WDPCP: variants seen among roughly 807,000 people sequenced by gnomAD.
WDPCP encodes WD repeat containing planar cell polarity effector, also known as WD repeat-containing and planar cell polarity effector protein fritz homolog.
A neutral mutation model predicts 93.1 loss-of-function variants in WDPCP; 71 were observed. The ratio of observed to expected loss-of-function variants is 0.76; its 90% CI spans 0.63 to 0.93. The LOEUF (loss-of-function observed/expected upper bound fraction) is 0.93. Among genes scored for constraint, WDPCP ranks in the 40% least tolerant of loss-of-function variants. The pLI is 0.00. For synonymous variants in WDPCP, 315 were observed against 315.0 expected (o/e 1.00, Z 0.00); for missense variants, 844 against 887.4 (o/e 0.95, Z 0.62).
chr2:63,681,074 C>T (rs1465261370), intron 2 of WDPCP, among the ~76,000 whole-genome samples: 4 of 152,070 alleles, frequency 2.6e-5, no homozygotes, highest in African/African-American at 4.8e-5. Flanking sequence ...TGGGTGAGAC[C>T]GAGATGTACC....
intron 17 of WDPCP, among the ~76,000 whole-genome samples, chr2:63,133,962 ATAAAGT>A (rs986483711): frequency 1.3e-5 from 2 of 152,192 alleles, no homozygotes; most frequent in East Asian, 1.9e-4. Context: ...CAGAGTTCCT[ATAAAGT>A]TATTTAGTCA....
intron 2 of WDPCP, among the ~76,000 whole-genome samples, chr2:63,676,536 C>A (rs1710405159): frequency 6.6e-6 from 1 of 151,998 alleles, no homozygotes; most frequent in Non-Finnish European, 1.5e-5. Context: ...TTCAAAAAAT[C>A]TCTACAAAAT....
chr2:63,350,785 C>T (rs759912617), intron 12 of WDPCP, among the ~76,000 whole-genome samples: 24 of 152,044 alleles, frequency 1.6e-4, no homozygotes, highest in South Asian at 4.2e-4. Flanking sequence ...TTCTGTGGCA[C>T]GGCAAGGCAA....
Position 63,624,982 on chromosome 2 carries a change from T to C in WDPCP, n.488+25677A>G, listed in dbSNP as rs188173456. Among the ~76,000 whole-genome samples, 235 of 152,278 alleles carry C rather than the reference T, an allele frequency of 1.5e-3. 1 individual carries two copies. Among genetic ancestry groups the C allele is most frequent in the African/African-American group, 5.0e-3 (207 of 41,562 alleles). On this transcript the variant is annotated intron_variant and non_coding_transcript_variant, in intron 3 of 4. Coordinates refer to the WDPCP transcript ENST00000467687. ...GCACATCAAAAGGCTGATCCACCAC[T>C]ATCAAGTGAGCTTCATCCCTGGGAC...
chr2:63,277,403 C>CA (rs1328091043), intron 13 of WDPCP, among the ~76,000 whole-genome samples: 1 of 152,166 alleles, frequency 6.6e-6, no homozygotes, highest in African/African-American at 2.4e-5. Context: ...CCTCACATCT[C>CA]AATATTAATG....
chr2:63,181,514 T>A (rs1021644268), intron 14 of WDPCP, among the ~76,000 whole-genome samples: 1 of 152,096 alleles, frequency 6.6e-6, no homozygotes, highest in Non-Finnish European at 1.5e-5. Flanking sequence ...GGTATATGGC[T>A]TTATTTCTGA....
At chr2:63,802,718 G>C (rs1172225179) in intron 2 of WDPCP, among the ~76,000 whole-genome samples, 1 of 151,896 alleles carries the variant, frequency 6.6e-6, no homozygotes, top group African/African-American at 2.4e-5. Context: ...ATTATTGTTA[G>C]TCTATATAGT....
intron 13 of WDPCP, among the ~76,000 whole-genome samples, chr2:63,290,914 G>A (rs143026498): frequency 1.3e-5 from 2 of 152,186 alleles, no homozygotes; most frequent in African/African-American, 4.8e-5. Flanking sequence ...GATATGGTGT[G>A]CCTAGGTATT....
intron 2 of WDPCP, among the ~76,000 whole-genome samples, chr2:63,684,988 G>A (rs901907928): frequency 1.1e-4 from 16 of 152,012 alleles, no homozygotes; most frequent in Admixed American, 8.5e-4. Flanking sequence ...TACTAGCAGG[G>A]AAGTTTATAG....
At chr2:63,479,600 A>T (rs1251766190) in intron 6 of WDPCP, among the ~76,000 whole-genome samples, 1 of 152,178 alleles carries the variant, frequency 6.6e-6, no homozygotes, top group Non-Finnish European at 1.5e-5. Flanking sequence ...GATCATCTCA[A>T]TAGATGCAGA....
At chr2:63,372,910 G>C (rs1260612888) in intron 12 of WDPCP, among the ~76,000 whole-genome samples, 1 of 152,102 alleles carries the variant, frequency 6.6e-6, no homozygotes, top group Non-Finnish European at 1.5e-5. Flanking sequence ...AATCACCTGA[G>C]GTTGGGAGTT....
At chr2:63,650,230 A>G (rs1710093995) in intron 3 of WDPCP, among the ~76,000 whole-genome samples, 1 of 152,214 alleles carries the variant, frequency 6.6e-6, no homozygotes. Context: ...AGGACTTATT[A>G]AAACACAGAT....
Position 63,338,583 on chromosome 2 carries a change from T to A in WDPCP, c.1749-25272A>T, listed in dbSNP as rs1207275349. 4.6e-4 allele frequency among the ~76,000 whole-genome samples: 12 copies of A among 25,940 alleles called. 1 individual carries two copies. Among genetic ancestry groups the A allele is most frequent in the African/African-American group, 3.3e-3 (5 of 1,500 alleles). 17.0% of individuals were successfully genotyped at this position (25,940 alleles called of 152,430 possible). A position where few individuals can be genotyped will look rare whatever the true frequency, so the allele number is the denominator to read the frequency against. On this transcript the variant is annotated intron_variant, in intron 12 of 17. Coordinates refer to ENST00000272321, the MANE Select transcript of WDPCP (RefSeq NM_015910.7). Reference sequence around the variant, plus strand: ...AAAAAAAAAAAAATATATATATATATATATATATATATATATATATATATA... The same window carrying A: ...AAAAAAAAAAAAATATATATATATAAATATATATATATATATATATATATA...
intron 14 of WDPCP, among the ~76,000 whole-genome samples, chr2:63,236,356 T>A (rs150945033): frequency 6.6e-6 from 1 of 152,176 alleles, no homozygotes; most frequent in African/African-American, 2.4e-5. Flanking sequence ...AAAACTTCCA[T>A]GTGCATGGAT....
intron 3 of WDPCP, among the ~76,000 whole-genome samples, chr2:63,623,309 A>T (rs2106634013): frequency 6.6e-6 from 1 of 152,360 alleles, no homozygotes; most frequent in South Asian, 2.1e-4. Flanking sequence ...CATCATAATG[A>T]CAGGATCAAA....
intron 2 of WDPCP, among the ~76,000 whole-genome samples, chr2:63,760,828 G>A (rs1312747139): frequency 6.6e-6 from 1 of 152,162 alleles, no homozygotes; most frequent in Non-Finnish European, 1.5e-5. Context: ...TGGGGTACAT[G>A]TATGAGTTCT....
intron 2 of WDPCP, among the ~76,000 whole-genome samples, chr2:63,803,768 C>T (rs1670726580): frequency 6.6e-6 from 1 of 152,168 alleles, no homozygotes; most frequent in Admixed American, 6.5e-5. Flanking sequence ...ATTTCACTCA[C>T]CATGTATGAA....
intron 3 of WDPCP, 72 bp downstream of exon 3, chr2:63,487,375 T>A: frequency 8.9e-7 from 1 of 1,117,642 alleles, no homozygotes; most frequent in Non-Finnish European, 1.3e-6. Flanking sequence ...GAAGAGAGCT[T>A]TTAATGGTCA....
intron 14 of WDPCP, among the ~76,000 whole-genome samples, chr2:63,211,101 G>GAGAGTAGTGGTACTCCA (rs1676751575): frequency 6.6e-6 from 1 of 152,214 alleles, no homozygotes; most frequent in South Asian, 2.1e-4. Context: ...CAGCCTTGAA[G>GAGAGTAGTGGTACTCCA]AGAGTAGTGG....
Sources: allele counts gnomAD v4.1 joint callset (sites outside exome capture counted in the v4.1 genomes callset), GRCh38; gene constraint gnomAD v4.1.1; transcripts MANE v1.5; gene names NCBI Gene and HGNC (gene_info 2026-07-23, HGNC 2026-07-21).